Variants in CNTN5 observed in about 807,000 individuals in gnomAD.
CNTN5 encodes the protein contactin-5.
CNTN5 carries 77 observed loss-of-function variants against 129.1 expected under a neutral mutation model. The observed-to-expected ratio is 0.60, with a 90% confidence interval of 0.50 to 0.72. The LOEUF (loss-of-function observed/expected upper bound fraction) is 0.72, where lower values mean the gene tolerates loss of function less well. Among genes scored for constraint, CNTN5 ranks in the 30% least tolerant of loss-of-function variants. The probability of loss-of-function intolerance (pLI) is 0.00; values close to 1 mark genes in which losing one functional copy is unlikely to be tolerated. For missense variants in CNTN5, 1,478 were observed against 1,328.8 expected (o/e 1.11, Z -1.75); for synonymous variants, 509 against 465.6 (o/e 1.09, Z -1.20).
chr11:99,710,090 T>A (rs1389291751), intron 3 of CNTN5, among the ~76,000 whole-genome samples: 1 of 151,860 alleles, frequency 6.6e-6, no homozygotes, highest in Non-Finnish European at 1.5e-5. Flanking sequence ...AGAACGCACC[T>A]GCTAGGCAGA....
At chr11:99,744,292 TAC>T (rs1251565900) in intron 3 of CNTN5, among the ~76,000 whole-genome samples, 3 of 152,000 alleles carry the variant, frequency 2.0e-5, no homozygotes, top group Admixed American at 2.0e-4. Context: ...TACTCTGATT[TAC>T]AGAGATTGTA....
chr11:99,826,943 T>A (rs1025593630), intron 4 of CNTN5, among the ~76,000 whole-genome samples: 3 of 152,240 alleles, frequency 2.0e-5, no homozygotes, highest in Admixed American at 1.3e-4. Context: ...AAAAAACTGA[T>A]AATTATTTCA....
At chr11:99,596,069 CT>C (rs1357735653) in intron 3 of CNTN5, among the ~76,000 whole-genome samples, 6 of 152,084 alleles carry the variant, frequency 3.9e-5, no homozygotes, top group African/African-American at 1.4e-4. Flanking sequence ...CCCAGATAAT[CT>C]TTTGGGTCTT....
intron 15 of CNTN5, among the ~76,000 whole-genome samples, chr11:100,197,676 T>C (rs187138863): frequency 6.6e-6 from 1 of 151,998 alleles, no homozygotes; most frequent in Non-Finnish European, 1.5e-5. Context: ...TCCAGTGACT[T>C]GAAGTCCTCT....
intron 4 of CNTN5, among the ~76,000 whole-genome samples, chr11:99,842,452 A>T (rs1245393150): frequency 6.6e-6 from 1 of 152,246 alleles, no homozygotes; most frequent in Non-Finnish European, 1.5e-5. Context: ...ACTGTAAAGT[A>T]GGCATTATTA....
At chr11:99,275,646 G>C (rs541337069) in intron 1 of CNTN5, among the ~76,000 whole-genome samples, 1 of 151,730 alleles carries the variant, frequency 6.6e-6, no homozygotes, top group African/African-American at 2.4e-5. Context: ...TGCTCGTCTT[G>C]GCAGAGCTCT....
intron 3 of CNTN5, among the ~76,000 whole-genome samples, chr11:99,768,620 A>T (rs1211233731): frequency 2.0e-5 from 3 of 152,146 alleles, no homozygotes; most frequent in Non-Finnish European, 2.9e-5. Flanking sequence ...ATTTGGATTT[A>T]CGTGATGATT....
chr11:99,760,946 C>T (rs867106505), intron 3 of CNTN5, among the ~76,000 whole-genome samples: 3 of 151,886 alleles, frequency 2.0e-5, no homozygotes, highest in Non-Finnish European at 2.9e-5. Context: ...AAGAAAAAAA[C>T]GTTTTCTAAT....
chr11:99,075,435 A>G (rs1260681431), intron 1 of CNTN5, among the ~76,000 whole-genome samples: 1 of 152,180 alleles, frequency 6.6e-6, no homozygotes, highest in East Asian at 1.9e-4. Flanking sequence ...TCTTAAGTAA[A>G]AGTAGATTTA....
chr11:100,085,845 A>G (rs956451824), intron 13 of CNTN5, among the ~76,000 whole-genome samples: 4 of 152,046 alleles, frequency 2.6e-5, no homozygotes, highest in African/African-American at 9.7e-5. Flanking sequence ...AAAAACTTTG[A>G]GAGTTAAGAA....
chr11:99,911,941 A>C (rs1949672375), intron 6 of CNTN5, among the ~76,000 whole-genome samples: 1 of 151,966 alleles, frequency 6.6e-6, no homozygotes, highest in South Asian at 2.1e-4. Context: ...ACAACAATAT[A>C]TAGTGTATAT....
chr11:99,492,933 G>A (rs7945925), intron 2 of CNTN5, among the ~76,000 whole-genome samples: 44,299 of 151,988 alleles, frequency 0.29, 6,844 homozygotes, highest in East Asian at 0.43. Context: ...AGATGAGGAC[G>A]TGTTTTTCTC....
chr11:100,035,304 AT>A (rs1163600595), intron 9 of CNTN5, among the ~76,000 whole-genome samples: 3,466 of 144,090 alleles, frequency 0.024, 116 homozygotes, highest in African/African-American at 0.093. Flanking sequence ...TGAACTCATC[AT>A]TTTTTTATGG....
intron 2 of CNTN5, among the ~76,000 whole-genome samples, chr11:99,410,223 A>G (rs1942329253): frequency 6.6e-6 from 1 of 152,230 alleles, no homozygotes; most frequent in African/African-American, 2.4e-5. Flanking sequence ...AGAAAATGAA[A>G]GAGCTAAAAT....
chr11:99,454,969 T>C (rs1944444192), intron 2 of CNTN5, among the ~76,000 whole-genome samples: 1 of 152,092 alleles, frequency 6.6e-6, no homozygotes, highest in Non-Finnish European at 1.5e-5. Context: ...TTGGTTTGTT[T>C]GGTTGGTTGG....
intron 6 of CNTN5, among the ~76,000 whole-genome samples, chr11:99,915,251 C>T (rs1222544283): frequency 6.6e-6 from 1 of 152,016 alleles, no homozygotes; most frequent in Non-Finnish European, 1.5e-5. Flanking sequence ...AGCGTAAGTA[C>T]TGAGATATAA....
At chr11:99,599,095 G>C (rs981130580) in intron 3 of CNTN5, among the ~76,000 whole-genome samples, 3 of 151,798 alleles carry the variant, frequency 2.0e-5, no homozygotes, top group Non-Finnish European at 4.4e-5. Flanking sequence ...ATGGTTAATT[G>C]ATTTTAAAGC....
chr11:99,460,683 G>A (rs1040892043), intron 2 of CNTN5, among the ~76,000 whole-genome samples: 3 of 151,966 alleles, frequency 2.0e-5, no homozygotes, highest in South Asian at 2.1e-4. Context: ...AAAACTTTAC[G>A]AATATAAGAA....
At chr11:99,770,841 A>G (rs1944920692) in intron 3 of CNTN5, among the ~76,000 whole-genome samples, 2 of 152,266 alleles carry the variant, frequency 1.3e-5, no homozygotes, top group South Asian at 4.1e-4. Context: ...AATATTCTAA[A>G]TAGCCAAAGC....
Sources: gnomAD v4.1 joint callset for allele counts (sites outside exome capture counted in the v4.1 genomes callset) on GRCh38, gnomAD v4.1.1 for gene constraint, MANE v1.5 for transcripts, NCBI Gene and HGNC (gene_info 2026-07-23, HGNC 2026-07-21) for gene names.